SHC3: variants seen among roughly 807,000 people sequenced by gnomAD.
The protein encoded by SHC3 is SHC adaptor protein 3.
A neutral mutation model predicts 60.4 loss-of-function variants in SHC3; 15 were observed. That is an observed-to-expected ratio of 0.25 (90% CI 0.17 to 0.38). SHC3 has a LOEUF of 0.38. Among genes scored for constraint, SHC3 ranks in the 10% least tolerant of loss-of-function variants. The pLI is 1.00. For synonymous variants in SHC3, 294 were observed against 325.9 expected (o/e 0.90, Z 1.05); for missense variants, 677 against 786.1 (o/e 0.86, Z 1.66).
chr9:89,128,319 T>C (rs1008524496), intron 1 of SHC3, among the ~76,000 whole-genome samples: 2 of 152,172 alleles, frequency 1.3e-5, no homozygotes, highest in African/African-American at 4.8e-5. Flanking sequence ...CTACTTTGAC[T>C]TTTAAAAATT....
chr9:89,172,527 A>G (rs939476101), intron 1 of SHC3, among the ~76,000 whole-genome samples: 1 of 151,896 alleles, frequency 6.6e-6, no homozygotes, highest in Non-Finnish European at 1.5e-5. Context: ...ACACAGACAC[A>G]GACACACACA....
chr9:89,044,996 GGGAAGGAGAACGAGACAA>G (rs1343108844), intron 9 of SHC3, among the ~76,000 whole-genome samples: 1 of 152,152 alleles, frequency 6.6e-6, no homozygotes, highest in Non-Finnish European at 1.5e-5. Context: ...CCTGAGTAAA[GGGAAGGAGAACGAGACAA>G]GGAAGGAAAG....
Position 89,038,116 on chromosome 9 carries a change from C to A in SHC3, c.1533G>T (p.Gly511=). ...GGAAGTCTCCGTCTTTCTCCAGCAG[C>A]CCCTCTGCCTCCTTCCTGCTCATCT... is the stretch of plus-strand genomic sequence containing the variant. ...QGEMSRKEAE[G]LLEKDGDFLV... The change falls in exon 11 of 12, where the codon GGG becomes GGT. Residue 511 remains glycine (G), a synonymous_variant. Coordinates refer to ENST00000375835, the MANE Select transcript of SHC3 (RefSeq NM_016848.6). 6.2e-7 allele frequency: 1 copy of A among 1,614,086 alleles called. No individual in the cohort carries two copies. Among genetic ancestry groups the A allele is most frequent in the Non-Finnish European group, 8.5e-7 (1 of 1,180,014 alleles).
chr9:89,132,131 C>T (rs1301469065), intron 1 of SHC3, among the ~76,000 whole-genome samples: 1 of 152,094 alleles, frequency 6.6e-6, no homozygotes, highest in East Asian at 1.9e-4. Context: ...AAACAGAGAG[C>T]CAAATCATGA....
At chr9:89,070,328 T>C (rs942138098) in intron 5 of SHC3, among the ~76,000 whole-genome samples, 1 of 152,192 alleles carries the variant, frequency 6.6e-6, no homozygotes, top group Non-Finnish European at 1.5e-5. Flanking sequence ...AGGGTGAGCC[T>C]TCTTCCCTCT....
At chr9:89,040,210 T>TCACCAC (rs1564093001) in intron 10 of SHC3, among the ~76,000 whole-genome samples, 1 of 148,284 alleles carries the variant, frequency 6.7e-6, no homozygotes, top group Non-Finnish European at 1.5e-5. Context: ...ATCATCACCA[T>TCACCAC]CATCATCATC....
intron 3 of SHC3, among the ~76,000 whole-genome samples, chr9:89,075,933 C>CAATG (rs1016739918): frequency 6.6e-6 from 1 of 152,132 alleles, no homozygotes; most frequent in Non-Finnish European, 1.5e-5. Flanking sequence ...CCTGGGTGGG[C>CAATG]AATGCCCTTT....
chr9:89,136,813 C>G (rs561774585), intron 1 of SHC3, among the ~76,000 whole-genome samples: 3 of 152,252 alleles, frequency 2.0e-5, no homozygotes, highest in African/African-American at 7.2e-5. Flanking sequence ...GGACCACTTT[C>G]AGGTAACAAT....
At chr9:89,131,196 A>G (rs1826239538) in intron 1 of SHC3, among the ~76,000 whole-genome samples, 1 of 152,200 alleles carries the variant, frequency 6.6e-6, no homozygotes, top group Non-Finnish European at 1.5e-5. Flanking sequence ...CACCCTCCCA[A>G]GACTAAACAA....
chr9:89,159,262 T>C (rs989631370), intron 1 of SHC3, among the ~76,000 whole-genome samples: 5 of 152,230 alleles, frequency 3.3e-5, no homozygotes, highest in Non-Finnish European at 1.5e-5. Context: ...AGATAGAATA[T>C]AGGCCAAATG....
At chr9:89,112,759 G>T in intron 1 of SHC3, 133 bp from the exon 2 acceptor site, 1 of 692,514 alleles carries the variant, frequency 1.4e-6, no homozygotes, top group Non-Finnish European at 2.2e-6. Flanking sequence ...TCTAGGGTGA[G>T]GCTTTGTTTT....
intron 1 of SHC3, among the ~76,000 whole-genome samples, chr9:89,152,962 A>G (rs1277661285): frequency 1.3e-5 from 2 of 152,226 alleles, no homozygotes. Flanking sequence ...AGAAGTCAGA[A>G]GAGTGGATAC....
chr9:89,024,296 G>A (rs1826251972), intron 11 of SHC3, among the ~76,000 whole-genome samples: 2 of 152,060 alleles, frequency 1.3e-5, no homozygotes, highest in Admixed American at 1.3e-4. Context: ...TATTTATTTA[G>A]AAACAGGGTT....
chr9:89,025,394 T>A (rs1288456367), intron 11 of SHC3, among the ~76,000 whole-genome samples: 1 of 152,174 alleles, frequency 6.6e-6, no homozygotes, highest in Non-Finnish European at 1.5e-5. Context: ...AAGCCTCTCC[T>A]ACATTTGAAA....
chr9:89,029,703 T>C (rs1398865533), intron 11 of SHC3, among the ~76,000 whole-genome samples: 6 of 152,134 alleles, frequency 3.9e-5, no homozygotes, highest in Non-Finnish European at 8.8e-5. Flanking sequence ...AAGAAATAGA[T>C]GGAATGAGCA....
chr9:89,170,104 G>A (rs542663722), intron 1 of SHC3, among the ~76,000 whole-genome samples: 45 of 152,280 alleles, frequency 3.0e-4, no homozygotes, highest in African/African-American at 1.0e-3. Flanking sequence ...GATCCGAGGC[G>A]TCCAAACCAA....
At chr9:89,112,527 C>G (rs375774708) in intron 2 of SHC3, 29 bp downstream of exon 2, 82 of 1,601,034 alleles carry the variant, frequency 5.1e-5, no homozygotes, top group Non-Finnish European at 6.5e-5. Flanking sequence ...GAAGTAAAAT[C>G]ACAGGAGTCC....
chr9:89,085,049 A>G (rs928089838), intron 2 of SHC3, among the ~76,000 whole-genome samples: 11 of 152,226 alleles, frequency 7.2e-5, no homozygotes, highest in Non-Finnish European at 1.5e-4. Flanking sequence ...GGCTTTAAAG[A>G]TCTCAGTTCC....
At chr9:89,157,786 T>A (rs1024812951) in intron 1 of SHC3, among the ~76,000 whole-genome samples, 6 of 151,898 alleles carry the variant, frequency 4.0e-5, no homozygotes, top group African/African-American at 7.3e-5. Context: ...CAGGCTAATT[T>A]AAAAAAAATT....
Sources: gnomAD v4.1 joint callset for allele counts (sites outside exome capture counted in the v4.1 genomes callset) on GRCh38, gnomAD v4.1.1 for gene constraint, MANE v1.5 for transcripts, NCBI Gene and HGNC (gene_info 2026-07-23, HGNC 2026-07-21) for gene names.